Variants in AUTS2 observed in about 807,000 individuals in gnomAD.
AUTS2 encodes the protein autism susceptibility gene 2 protein.
Under a neutral mutation model 112.4 loss-of-function variants are expected in AUTS2, and 17 were observed. The ratio of observed to expected loss-of-function variants is 0.15; its 90% CI spans 0.10 to 0.23. The LOEUF (loss-of-function observed/expected upper bound fraction) is 0.23, where lower values mean the gene tolerates loss of function less well. Ranked by LOEUF, AUTS2 falls within the 10% of genes least tolerant of loss-of-function variation. The probability of loss-of-function intolerance (pLI) is 1.00; values close to 1 mark genes in which losing one functional copy is unlikely to be tolerated. For missense variants in AUTS2, 1,510 were observed against 1,701.6 expected, an observed-to-expected ratio of 0.89 and a Z score of 1.98; for synonymous variants, 751 against 702.7, an observed-to-expected ratio of 1.07 and a Z score of -1.09.
At chr7:70,241,012 AAG>A in intron 4 of AUTS2, among the ~76,000 whole-genome samples, 1 of 152,170 alleles carries the variant, frequency 6.6e-6, no homozygotes, top group Admixed American at 6.5e-5. Context: ...CTCCATCCCC[AAG>A]TGCTGGAGAA....
intron 6 of AUTS2, among the ~76,000 whole-genome samples, chr7:70,704,021 C>T (rs541714103): frequency 3.3e-5 from 5 of 152,214 alleles, no homozygotes; most frequent in South Asian, 2.1e-4. Context: ...CTATAGAAGC[C>T]GACTCTTGGA....
intron 5 of AUTS2, among the ~76,000 whole-genome samples, chr7:70,546,142 C>T (rs1800764846): frequency 6.6e-6 from 1 of 152,180 alleles, no homozygotes; most frequent in African/African-American, 2.4e-5. Context: ...AACACTGCTA[C>T]AGAGTTAACT....
In AUTS2 at chr7:70,347,841, G is replaced by A. The variant is rs771114791; in HGVS notation, c.661-87911G>A. Among the ~76,000 whole-genome samples the A allele has an allele frequency of 4.6e-5, 7 of 152,276 alleles. 1 individual carries two copies. Among genetic ancestry groups the A allele is most frequent in the Admixed American group, 1.3e-4 (2 of 15,296 alleles). On this transcript the variant is annotated intron_variant, in intron 4 of 18. Coordinates refer to ENST00000342771, the MANE Select transcript of AUTS2 (RefSeq NM_015570.4). ...ACCCTCTGGGAGACTTGTAGTCTAC[G>A]GCTCCAGGAGATGACTCCCTGGCCT...
At chr7:70,629,557 A>G (rs1233194035) in intron 5 of AUTS2, among the ~76,000 whole-genome samples, 1 of 151,990 alleles carries the variant, frequency 6.6e-6, no homozygotes, top group African/African-American at 2.4e-5. Flanking sequence ...GTAGGGCCTG[A>G]ATCCATCCCC....
At chr7:70,357,455 C>CT (rs1362781426) in intron 4 of AUTS2, among the ~76,000 whole-genome samples, 1 of 152,196 alleles carries the variant, frequency 6.6e-6, no homozygotes, top group Non-Finnish European at 1.5e-5. Flanking sequence ...TCCATTACTA[C>CT]TTTGTCATTG....
intron 1 of AUTS2, among the ~76,000 whole-genome samples, chr7:69,683,247 T>C (rs548158148): frequency 7.6e-4 from 116 of 152,290 alleles, no homozygotes; most frequent in African/African-American, 2.6e-3. Context: ...CTGGTTGCCA[T>C]GATGTCCTGC....
At chr7:70,724,880 T>C (rs1786936009) in intron 6 of AUTS2, among the ~76,000 whole-genome samples, 1 of 152,220 alleles carries the variant, frequency 6.6e-6, no homozygotes, top group African/African-American at 2.4e-5. Context: ...TTACAAGGTG[T>C]ACCATTGACT....
At chr7:70,012,840 T>G (rs1353261993) in intron 2 of AUTS2, among the ~76,000 whole-genome samples, 2 of 152,232 alleles carry the variant, frequency 1.3e-5, no homozygotes, top group Non-Finnish European at 2.9e-5. Flanking sequence ...TATAATTTAT[T>G]TCTCTTATCA....
chr7:70,567,133 C>T (rs1317609163), intron 5 of AUTS2, among the ~76,000 whole-genome samples: 1 of 152,152 alleles, frequency 6.6e-6, no homozygotes, highest in Non-Finnish European at 1.5e-5. Flanking sequence ...TAAGGTATTG[C>T]TAGAAGCAAA....
At chr7:70,312,005 C>T (rs921462703) in intron 4 of AUTS2, among the ~76,000 whole-genome samples, 2 of 152,142 alleles carry the variant, frequency 1.3e-5, no homozygotes, top group East Asian at 1.9e-4. Context: ...TGAGCCACCG[C>T]GCCCGGCCAC....
intron 5 of AUTS2, among the ~76,000 whole-genome samples, chr7:70,613,795 T>C (rs1018137235): frequency 3.9e-5 from 6 of 152,224 alleles, no homozygotes; most frequent in African/African-American, 1.4e-4. Context: ...CCTGGCTCCT[T>C]GGAGTCTTCC....
chr7:70,155,655 C>G (rs1007822899), intron 4 of AUTS2, among the ~76,000 whole-genome samples: 1 of 152,076 alleles, frequency 6.6e-6, no homozygotes. Flanking sequence ...ATAAATAATT[C>G]ATAGCTTTTC....
chr7:70,788,549 G>A (rs985183635), intron 18 of AUTS2, among the ~76,000 whole-genome samples: 4 of 152,196 alleles, frequency 2.6e-5, no homozygotes, highest in Admixed American at 6.5e-5. Context: ...CCTAGGCCGC[G>A]AGCTCTCTGT....
chr7:70,609,959 TTTGTTGTTG>T (rs200432278), intron 5 of AUTS2, among the ~76,000 whole-genome samples: 41,188 of 122,630 alleles, frequency 0.34, 6,233 homozygotes, highest in East Asian at 0.55. Context: ...AGTTCTGTTT[TTTGTTGTTG>T]TTGTTGTTGT....
chr7:70,412,215 T>C (rs948284653), intron 4 of AUTS2, among the ~76,000 whole-genome samples: 3 of 152,174 alleles, frequency 2.0e-5, no homozygotes, highest in African/African-American at 7.2e-5. Flanking sequence ...CTTTGGTGTT[T>C]ATATCCTAGA....
rs149269752 is a variant in AUTS2, at chr7:70,341,684, A to G, written c.661-94068A>G. On this transcript the variant is annotated intron_variant, in intron 4 of 18. Coordinates refer to ENST00000342771, the MANE Select transcript of AUTS2 (RefSeq NM_015570.4). Reference sequence around the variant, plus strand: ...AGTCTAATCACCTCATGTGAAACCAATCTAATGCTCAGAAAAGAATTCCCT... The same window carrying G: ...AGTCTAATCACCTCATGTGAAACCAGTCTAATGCTCAGAAAAGAATTCCCT... 1.5e-3 allele frequency among the ~76,000 whole-genome samples: 224 copies of G among 152,358 alleles called. 1 individual carries two copies. The highest frequency in any genetic ancestry group is 4.5e-3 in the African/African-American group (189 of 41,586).
At chr7:70,413,087 G>T (rs761742955) in intron 4 of AUTS2, among the ~76,000 whole-genome samples, 43 of 152,240 alleles carry the variant, frequency 2.8e-4, no homozygotes, top group Non-Finnish European at 4.1e-4. Flanking sequence ...TGGGAGGAGA[G>T]CTGAGGAACA....
intron 4 of AUTS2, among the ~76,000 whole-genome samples, chr7:70,418,713 G>A (rs1795091942): frequency 6.7e-6 from 1 of 149,830 alleles, no homozygotes; most frequent in Non-Finnish European, 1.5e-5. Context: ...TTGTGCATGT[G>A]TATCTTTTTC....
At chr7:70,104,369 A>G (rs1360898139) in intron 2 of AUTS2, among the ~76,000 whole-genome samples, 1 of 152,162 alleles carries the variant, frequency 6.6e-6, no homozygotes, top group Non-Finnish European at 1.5e-5. Context: ...GTACATGTGT[A>G]CATAGTTTCA....
Sources: gnomAD v4.1 joint callset for allele counts (sites outside exome capture counted in the v4.1 genomes callset) on GRCh38, gnomAD v4.1.1 for gene constraint, MANE v1.5 for transcripts, NCBI Gene and HGNC (gene_info 2026-07-23, HGNC 2026-07-21) for gene names.